ANO3: variants seen among roughly 807,000 people sequenced by gnomAD.
ANO3 encodes the protein anoctamin-3.
ANO3 carries 99 observed loss-of-function variants against 144.8 expected under a neutral mutation model. The ratio of observed to expected loss-of-function variants is 0.68; its 90% CI spans 0.58 to 0.81. The LOEUF is 0.81. Among genes scored for constraint, ANO3 ranks in the 30% least tolerant of loss-of-function variants. The pLI is 0.00. For missense variants in ANO3, 905 were observed against 1,202.2 expected (o/e 0.75, Z 3.66); for synonymous variants, 414 against 392.6 (o/e 1.05, Z -0.64).
intron 6 of ANO3, among the ~76,000 whole-genome samples, chr11:26,523,248 C>T (rs1230482144): frequency 6.6e-6 from 1 of 152,328 alleles, no homozygotes; most frequent in Admixed American, 6.5e-5. Flanking sequence ...GGGGATTACA[C>T]TTCGAGATGA....
intron 1 of ANO3, among the ~76,000 whole-genome samples, chr11:26,218,574 C>T (rs1276809243): frequency 6.6e-6 from 1 of 152,066 alleles, no homozygotes; most frequent in African/African-American, 2.4e-5. Flanking sequence ...CAATGTTTAT[C>T]TTACTGCAAA....
intron 1 of ANO3, among the ~76,000 whole-genome samples, chr11:26,380,966 A>G (rs966420474): frequency 6.6e-6 from 1 of 152,168 alleles, no homozygotes; most frequent in South Asian, 2.1e-4. Context: ...TGGGTGACAG[A>G]GCGAGACTTC....
chr11:26,389,246 A>T (rs1272186800), intron 1 of ANO3, among the ~76,000 whole-genome samples: 1 of 152,100 alleles, frequency 6.6e-6, no homozygotes, highest in Non-Finnish European at 1.5e-5. Context: ...ACTTAGGAAC[A>T]TTTACTGAGA....
chr11:26,406,032 C>A (rs991548337), intron 1 of ANO3, among the ~76,000 whole-genome samples: 2 of 151,854 alleles, frequency 1.3e-5, no homozygotes, highest in Admixed American at 6.6e-5. Context: ...CTTTTAGGCA[C>A]CATGTTTCAT....
At chr11:26,481,308 A>G (rs1860206306) in intron 4 of ANO3, among the ~76,000 whole-genome samples, 1 of 152,066 alleles carries the variant, frequency 6.6e-6, no homozygotes, top group Admixed American at 6.6e-5. Flanking sequence ...TTAGAAATTC[A>G]AGGAGGAGGA....
chr11:26,467,522 A>T (rs908567968), intron 4 of ANO3, among the ~76,000 whole-genome samples: 6 of 151,950 alleles, frequency 3.9e-5, no homozygotes, highest in Admixed American at 2.0e-4. Flanking sequence ...AATAAGTGAG[A>T]AGATGAAAAG....
chr11:26,540,422 G>A (rs1302728696), intron 10 of ANO3, among the ~76,000 whole-genome samples: 1 of 152,010 alleles, frequency 6.6e-6, no homozygotes, highest in Non-Finnish European at 1.5e-5. Flanking sequence ...AGGTATTGAT[G>A]AAGCATGGCA....
chr11:26,208,529 G>T (rs1362302284), intron 1 of ANO3, among the ~76,000 whole-genome samples: 1 of 145,084 alleles, frequency 6.9e-6, no homozygotes, highest in African/African-American at 2.7e-5. Context: ...AAAAAAAAAG[G>T]AATTGCAGGT....
chr11:26,518,592 C>T (rs1044695845), intron 6 of ANO3, among the ~76,000 whole-genome samples: 1 of 151,714 alleles, frequency 6.6e-6, no homozygotes, highest in African/African-American at 2.4e-5. Context: ...ATAGTTGAAA[C>T]ATGTATAAAA....
intron 14 of ANO3, chr11:26,572,290 A>G (rs893268998): frequency 1.0e-6 from 1 of 953,732 alleles, no homozygotes; most frequent in Admixed American, 6.2e-5. Flanking sequence ...CAGGCCTTTA[A>G]CAACAACAAC....
In ANO3 at chr11:26,246,456, TTATATATATATA is replaced by T. The variant is rs150219099; in HGVS notation, c.154+57140_154+57151del. Among the ~76,000 whole-genome samples, 84 of 140,030 alleles carry T rather than the reference TTATATATATATA, an allele frequency of 6.0e-4. 1 individual carries two copies. Among genetic ancestry groups the T allele is most frequent in the African/African-American group, 2.0e-3 (76 of 38,354 alleles). The allele number at this position is 140,030 out of a possible 152,430, so 91.9% of individuals were successfully genotyped here. A position where few individuals can be genotyped will look rare whatever the true frequency, so the allele number is the denominator to read the frequency against. On this transcript the variant is annotated intron_variant, in intron 1 of 27. Transcript: ENST00000672621. ...GAGAAATAGTATCTAAGTGTAGTCT[TTATATATATATA>T]TATATATATATATTATGAGTATAAA...
In ANO3 at chr11:26,212,795, C is replaced by T. The variant is rs1851961123; in HGVS notation, c.154+23465C>T. On this transcript the variant is annotated intron_variant, in intron 1 of 27. Transcript: ENST00000672621. ...CCTCTTTTTATGAGGCCAGCATCAT[C>T]CTAATGCCAAAAGCTGGCAAAGACA... 2.0e-5 allele frequency among the ~76,000 whole-genome samples: 3 copies of T among 151,972 alleles called. 1 individual carries two copies. The South Asian group carries it at 6.2e-4, about 32-fold the overall frequency.
chr11:26,453,654 A>G (rs1859034710), intron 3 of ANO3, among the ~76,000 whole-genome samples: 1 of 152,136 alleles, frequency 6.6e-6, no homozygotes, highest in Non-Finnish European at 1.5e-5. Context: ...CCCCACTGTC[A>G]ACATTAGACA....
intron 1 of ANO3, among the ~76,000 whole-genome samples, chr11:26,367,954 C>T (rs1856139789): frequency 1.3e-5 from 2 of 152,316 alleles, no homozygotes; most frequent in African/African-American, 4.8e-5. Flanking sequence ...CTAAACCATT[C>T]ATGAGAAATC....
intron 1 of ANO3, among the ~76,000 whole-genome samples, chr11:26,292,047 A>G (rs538500142): frequency 6.6e-6 from 1 of 152,226 alleles, no homozygotes; most frequent in Non-Finnish European, 1.5e-5. Context: ...CAGGTACACC[A>G]ATCAAACATG....
At chr11:26,614,224 T>A (rs1852184084) in intron 17 of ANO3, among the ~76,000 whole-genome samples, 1 of 152,196 alleles carries the variant, frequency 6.6e-6, no homozygotes, top group Admixed American at 6.5e-5. Flanking sequence ...GTATAAGCAC[T>A]CACAGGGTTG....
chr11:26,419,068 A>C (rs1857677358), intron 1 of ANO3, among the ~76,000 whole-genome samples: 1 of 152,132 alleles, frequency 6.6e-6, no homozygotes, highest in Non-Finnish European at 1.5e-5. Flanking sequence ...TGATGCTGGC[A>C]TCTACTTGTC....
intron 1 of ANO3, among the ~76,000 whole-genome samples, chr11:26,371,122 C>A (rs1230600045): frequency 2.6e-5 from 4 of 152,134 alleles, no homozygotes; most frequent in African/African-American, 9.7e-5. Context: ...CTTTAGTGGA[C>A]CAGGCCAAGG....
intron 1 of ANO3, among the ~76,000 whole-genome samples, chr11:26,441,646 T>C (rs1858525646): frequency 1.3e-5 from 2 of 152,190 alleles, no homozygotes; most frequent in Non-Finnish European, 2.9e-5. Flanking sequence ...CCAAATGAAC[T>C]TAAACATCAG....
Sources: gnomAD v4.1 joint callset for allele counts (sites outside exome capture counted in the v4.1 genomes callset) on GRCh38, gnomAD v4.1.1 for gene constraint, MANE v1.5 for transcripts, NCBI Gene and HGNC (gene_info 2026-07-23, HGNC 2026-07-21) for gene names.